The following PACSIN1 variants were observed in gnomAD, a reference collection of about 807,000 sequenced individuals.
PACSIN1 encodes the protein protein kinase C and casein kinase substrate in neurons protein 1.
Under a neutral mutation model 59.5 loss-of-function variants are expected in PACSIN1, and 15 were observed. The ratio of observed to expected loss-of-function variants is 0.25; its 90% CI spans 0.17 to 0.39. PACSIN1 has a LOEUF of 0.39. Ranked by LOEUF, PACSIN1 falls within the 10% of genes least tolerant of loss-of-function variation. The pLI is 1.00. For synonymous variants in PACSIN1, 210 were observed against 220.6 expected (o/e 0.95, Z 0.42); for missense variants, 420 against 580.2 (o/e 0.72, Z 2.84).
At chr6:34,482,923 G>A (rs1766740534) in intron 1 of PACSIN1, among the ~76,000 whole-genome samples, 1 of 151,434 alleles carries the variant, frequency 6.6e-6, no homozygotes, top group Non-Finnish European at 1.5e-5. Context: ...CTGACCTCAG[G>A]TGGTCTGCCC....
chr6:34,526,958 C>A (rs1189681293), intron 2 of PACSIN1, among the ~76,000 whole-genome samples: 1 of 152,196 alleles, frequency 6.6e-6, no homozygotes, highest in African/African-American at 2.4e-5. Context: ...CAGCTCAACT[C>A]AACGCTTATA....
At chr6:34,468,053 T>G (rs569578024) in intron 1 of PACSIN1, among the ~76,000 whole-genome samples, 3 of 152,306 alleles carry the variant, frequency 2.0e-5, no homozygotes, top group African/African-American at 7.2e-5. Context: ...GGTGCCAACT[T>G]TAGACCAGAG....
At position 34,492,318 on chromosome 6, in the gene PACSIN1, C is replaced by T. The variant is rs192144996; in HGVS notation, c.-64+26048C>T. On this transcript the variant is annotated intron_variant, in intron 1 of 9. Coordinates refer to ENST00000244458, the MANE Select transcript of PACSIN1 (RefSeq NM_020804.5). ...CTGCCTCTTGGGTTCAGGCAATTCTCCTGCCTCAGCCTCCCTAGTAGCTGT... is the reference window on the plus strand; with the variant it reads ...CTGCCTCTTGGGTTCAGGCAATTCTTCTGCCTCAGCCTCCCTAGTAGCTGT... Among the ~76,000 whole-genome samples the T allele has an allele frequency of 2.5e-4, 38 of 150,474 alleles. No individual in the cohort carries two copies. In the East Asian group the frequency reaches 6.6e-3, roughly 26 times the overall value.
At chr6:34,528,527 G>T in intron 3 of PACSIN1, 115 bp from the exon 4 acceptor site, 1 of 794,012 alleles carries the variant, frequency 1.3e-6, no homozygotes. Flanking sequence ...GTAGAGCAGA[G>T]GAGGGCATTT....
In PACSIN1 at chr6:34,530,442, C is replaced by T. The variant is rs766054992; in HGVS notation, c.910-18C>T. 4 of 1,595,920 alleles carry T rather than the reference C, an allele frequency of 2.5e-6. No individual in the cohort carries two copies. Among genetic ancestry groups the T allele is most frequent in the Non-Finnish European group, 3.4e-6 (4 of 1,169,182 alleles). ...AGGGCATAGTCCCCCAGCCTGACTG[C>T]TCCACTGGCCCCACCAGGAGTGGAA... On this transcript the variant is annotated intron_variant, in intron 7 of 9. Coordinates refer to ENST00000244458, the MANE Select transcript of PACSIN1 (RefSeq NM_020804.5). This position sits in a 1 kb window ranked among gnomAD's most constrained non-coding sequence, Gnocchi z 4.4.
chr6:34,496,357 G>T (rs1766946778), intron 1 of PACSIN1, among the ~76,000 whole-genome samples: 1 of 152,114 alleles, frequency 6.6e-6, no homozygotes, highest in Admixed American at 6.5e-5. Flanking sequence ...GGGCCTGTCA[G>T]AGGGTCACTG....
At position 34,531,895 on chromosome 6, in the gene PACSIN1, T is replaced by TGTGGTG; in HGVS notation, c.1225+112_1225+117dup. ...GAGAAGCTTGGGTCTGGATTGGGTG[T>TGTGGTG]GTGGTGGTGCAGGGGCGGTGCCTGA... is the stretch of plus-strand genomic sequence containing the variant. On this transcript the variant is annotated intron_variant, in intron 9 of 9. Transcript: ENST00000244458. The surrounding 1 kb of genome is among the most constrained non-coding windows in gnomAD (Gnocchi z 4.4). 1 of 1,086,692 alleles carries TGTGGTG rather than the reference T, an allele frequency of 9.2e-7. No individual in the cohort carries two copies. Among genetic ancestry groups the TGTGGTG allele is most frequent in the South Asian group, 1.5e-5 (1 of 64,888 alleles). The allele number at this position is 1,086,692 out of a possible 1,614,324, so 67.3% of individuals were successfully genotyped here. A position where few individuals can be genotyped will look rare whatever the true frequency, so the allele number is the denominator to read the frequency against.
chr6:34,474,596 C>G (rs1297803645), intron 1 of PACSIN1, among the ~76,000 whole-genome samples: 1 of 151,924 alleles, frequency 6.6e-6, no homozygotes, highest in African/African-American at 2.4e-5. Context: ...TTCAGACCAG[C>G]CTGGCCAACA....
chr6:34,510,044 C>T (rs540060853), intron 1 of PACSIN1, among the ~76,000 whole-genome samples: 58 of 152,372 alleles, frequency 3.8e-4, no homozygotes, highest in Middle Eastern at 3.4e-3. Flanking sequence ...ATATCCTACA[C>T]AGCAAACTAC....
At chr6:34,493,978 G>A (rs1333188217) in intron 1 of PACSIN1, among the ~76,000 whole-genome samples, 2 of 152,100 alleles carry the variant, frequency 1.3e-5, no homozygotes, top group Non-Finnish European at 2.9e-5. Flanking sequence ...AGCTCCTTTG[G>A]TTCTCATAAT....
chr6:34,469,317 G>C (rs1323247654), intron 1 of PACSIN1, among the ~76,000 whole-genome samples: 1 of 152,308 alleles, frequency 6.6e-6, no homozygotes, highest in Non-Finnish European at 1.5e-5. Flanking sequence ...GCCGAATGAA[G>C]GAAGCCCATT....
intron 1 of PACSIN1, among the ~76,000 whole-genome samples, chr6:34,491,713 G>GT (rs1429184545): frequency 1.3e-5 from 2 of 151,818 alleles, no homozygotes; most frequent in African/African-American, 4.8e-5. Context: ...CTGGATTCAA[G>GT]TGATTCTCCT....
intron 1 of PACSIN1, among the ~76,000 whole-genome samples, chr6:34,524,366 G>T (rs982136245): frequency 6.6e-6 from 1 of 152,138 alleles, no homozygotes; most frequent in Non-Finnish European, 1.5e-5. Flanking sequence ...TCATGCACAT[G>T]AGGCAAAATT....
At chr6:34,468,418 A>T (rs3823439) in intron 1 of PACSIN1, among the ~76,000 whole-genome samples, 100,947 of 152,032 alleles carry the variant, frequency 0.66, 34,729 homozygotes, top group Non-Finnish European at 0.76. Context: ...GTTGACATTC[A>T]GTCATTCAAT....
At chr6:34,510,713 G>T (rs922945131) in intron 1 of PACSIN1, among the ~76,000 whole-genome samples, 1 of 152,044 alleles carries the variant, frequency 6.6e-6, no homozygotes, top group African/African-American at 2.4e-5. Context: ...TTTAACCCAC[G>T]TTATTATTAT....
intron 1 of PACSIN1, among the ~76,000 whole-genome samples, chr6:34,503,075 C>T (rs967787818): frequency 1.8e-4 from 28 of 152,062 alleles, no homozygotes; most frequent in African/African-American, 6.3e-4. Flanking sequence ...AGGCACAGGG[C>T]AACATAGTGA....
chr6:34,478,310 C>T (rs1382085131), intron 1 of PACSIN1, among the ~76,000 whole-genome samples: 1 of 150,742 alleles, frequency 6.6e-6, no homozygotes, highest in African/African-American at 2.4e-5. Flanking sequence ...CCACCCTCCT[C>T]GGCCTCCCAA....
intron 1 of PACSIN1, among the ~76,000 whole-genome samples, chr6:34,471,756 T>G (rs1487554029): frequency 6.6e-6 from 1 of 152,178 alleles, no homozygotes; most frequent in Non-Finnish European, 1.5e-5. Flanking sequence ...ATTCCACAGG[T>G]ACACTCTGAG....
rs528141053 is a variant in PACSIN1 at position 34,471,607 on chromosome 6, G to GTCC, written c.-64+5342_-64+5344dup. ...GGGGTAATCCATTTGAGAAATAAAA[G>GTCC]TCCTCCTAAGAAAGCTCTCATTTGG... On this transcript the variant is annotated intron_variant, in intron 1 of 9. Coordinates refer to ENST00000244458, the MANE Select transcript of PACSIN1 (RefSeq NM_020804.5). Among the ~76,000 whole-genome samples, 429 of 152,308 alleles carry GTCC rather than the reference G, an allele frequency of 2.8e-3. 4 individuals are homozygous for GTCC. Among genetic ancestry groups the GTCC allele is most frequent in the African/African-American group, 9.8e-3 (406 of 41,568 alleles).
Sources: gnomAD v4.1 joint callset for allele counts (sites outside exome capture counted in the v4.1 genomes callset) on GRCh38, gnomAD v4.1.1 for gene constraint, Gnocchi (gnomAD v3.1) non-coding constraint, MANE v1.5 for transcripts, NCBI Gene and HGNC (gene_info 2026-07-23, HGNC 2026-07-21) for gene names.